Variants in KRT33B observed in about 807,000 individuals in gnomAD.
KRT33B encodes keratin 33B.
A neutral mutation model predicts 42.7 loss-of-function variants in KRT33B; 37 were observed. The ratio of observed to expected loss-of-function variants is 0.87; its 90% CI spans 0.67 to 1.14. The LOEUF is 1.14. Ranked by LOEUF, KRT33B falls within the 50% of genes most tolerant of loss-of-function variation. KRT33B has a pLI of 0.00. For synonymous variants in KRT33B, 237 were observed against 221.2 expected (o/e 1.07, Z -0.63); for missense variants, 523 against 515.1 (o/e 1.02, Z -0.15).
At chr17:41,368,034 C>T (rs1169603690) in intron 1 of KRT33B, 44 bp from the exon 2 acceptor site, 12 of 1,567,988 alleles carry the variant, frequency 7.7e-6, no homozygotes, top group African/African-American at 2.8e-5. Flanking sequence ...CTAAGAAATG[C>T]CTTGTGCCTT....
intron 6 of KRT33B, 46 bp downstream of exon 6, chr17:41,364,733 G>C (rs759502048): frequency 6.2e-7 from 1 of 1,608,292 alleles, no homozygotes; most frequent in Admixed American, 1.7e-5. Flanking sequence ...TCCTACAGTA[G>C]AACAGTGCCT....
Position 41,365,395 on chromosome 17 carries a change from C to A in KRT33B, c.747G>T (p.Thr249=). 1.9e-6 allele frequency: 3 copies of A among 1,610,570 alleles called. No homozygotes were observed. The highest frequency in any genetic ancestry group is 2.5e-6 in the Non-Finnish European group (3 of 1,178,622). ...NRREVEQWFA[T]QTEELNKQVV... ...GGCCACGTGCTTAGATGCCCACCTG[C>A]GTGGCGAACCATTGCTCCACTTCCC... Residue 249 remains threonine, a synonymous_variant, in exon 4 of 7, where the codon ACG becomes ACT. Transcript: ENST00000251646.
intron 1 of KRT33B, among the ~76,000 whole-genome samples, chr17:41,368,811 A>AGAATCAAGGGCTTGTACAATTGGATAT: frequency 6.6e-6 from 1 of 151,292 alleles, no homozygotes; most frequent in Non-Finnish European, 1.5e-5. Flanking sequence ...GATCCCTCCC[A>AGAATCAAGGGCTTGTACAATTGGATAT]AACCTACACC....
intron 1 of KRT33B, 30 bp downstream of exon 1, chr17:41,369,373 A>G (rs759318467): frequency 6.2e-7 from 1 of 1,609,882 alleles, no homozygotes; most frequent in Non-Finnish European, 8.5e-7. Context: ...GTAGTTCATT[A>G]AGCTGGCAGT....
At chr17:41,366,651 A>G in intron 2 of KRT33B, 25 bp from the exon 3 acceptor site, 1 of 1,549,294 alleles carries the variant, frequency 6.5e-7, no homozygotes, top group Non-Finnish European at 8.7e-7. Context: ...AGAGGTCAAA[A>G]GAGGTCCAAA....
intron 1 of KRT33B, 99 bp downstream of exon 1, chr17:41,369,304 C>T: frequency 6.9e-7 from 1 of 1,458,614 alleles, no homozygotes; most frequent in Non-Finnish European, 9.3e-7. Flanking sequence ...TTATCATTCT[C>T]AGCATTACTG....
chr17:41,364,424 C>T lies in KRT33B; in HGVS notation c.1097+355G>A, dbSNP rs930655957. On this transcript the variant is annotated intron_variant, in intron 6 of 6. Transcript: ENST00000251646. Reference sequence around the variant, plus strand: ...ATGATTCTAACAAGAATTAATGAAACGGTGGATTTGAAAGTTCTGTTTAAA... The same window carrying T: ...ATGATTCTAACAAGAATTAATGAAATGGTGGATTTGAAAGTTCTGTTTAAA... Among the ~76,000 whole-genome samples the T allele has an allele frequency of 2.6e-5, 4 of 151,236 alleles. 1 individual carries two copies. Among genetic ancestry groups the T allele is most frequent in the African/African-American group, 7.4e-5 (3 of 40,588 alleles).
chr17:41,365,278 A>AC lies in KRT33B; in HGVS notation c.772dup (p.Val258GlyfsTer74). 1 of 1,612,416 alleles carries AC rather than the reference A, an allele frequency of 6.2e-7. No individual in the cohort carries two copies. Among genetic ancestry groups the AC allele is most frequent in the Non-Finnish European group, 8.5e-7 (1 of 1,180,004 alleles). On this transcript the variant is annotated frameshift_variant, in exon 5 of 7. Transcript: ENST00000251646. LOFTEE classifies it high-confidence loss of function. ...CTGCAGCTGCTCCGAGCTGGATACC[A>AC]CCTGCTTGTTCAGCTCCTCGGTCTG...
intron 1 of KRT33B, among the ~76,000 whole-genome samples, chr17:41,368,676 G>A (rs1246061913): frequency 6.6e-6 from 1 of 151,154 alleles, no homozygotes; most frequent in Non-Finnish European, 1.5e-5. Flanking sequence ...CCCCTTTCTG[G>A]CATCTAATTT....
At chr17:41,364,378 T>C (rs944650241) in intron 6 of KRT33B, among the ~76,000 whole-genome samples, 1 of 151,462 alleles carries the variant, frequency 6.6e-6, no homozygotes, top group Non-Finnish European at 1.5e-5. Context: ...GTGATAATGA[T>C]TCCCACTCTG....
intron 2 of KRT33B, among the ~76,000 whole-genome samples, chr17:41,367,556 T>A (rs1227468987): frequency 1.3e-5 from 2 of 150,978 alleles, no homozygotes; most frequent in Admixed American, 6.6e-5. Context: ...ATATAAAAAT[T>A]AGCTGGGCCT....
intron 2 of KRT33B, 33 bp downstream of exon 2, chr17:41,367,875 A>G (rs1355902422): frequency 6.3e-7 from 1 of 1,593,898 alleles, no homozygotes; most frequent in Admixed American, 1.7e-5. Context: ...CCTGTCCGTT[A>G]CTAGACTGCT....
At chr17:41,365,957 A>T (rs2017696033) in intron 3 of KRT33B, among the ~76,000 whole-genome samples, 2 of 151,392 alleles carry the variant, frequency 1.3e-5, no homozygotes, top group South Asian at 4.1e-4. Flanking sequence ...AATGTTTGAG[A>T]CATGCATCTG....
In KRT33B at chr17:41,367,834, A is replaced by G. The variant is rs1249660025; in HGVS notation, c.431+74T>C. The G allele has an allele frequency of 4.5e-6, 6 of 1,335,072 alleles. No homozygotes were observed. In the East Asian group the frequency reaches 9.2e-5, roughly 20 times the overall value. 82.7% of individuals were successfully genotyped at this position (1,335,072 alleles called of 1,614,324 possible). A position where few individuals can be genotyped will look rare whatever the true frequency, so the allele number is the denominator to read the frequency against. ...ATAGAAATTTCTGCTTCCACATTCC[A>G]GGATAGGGAGCTCATCACTTTGTAA... On this transcript the variant is annotated intron_variant, in intron 2 of 6. Transcript: ENST00000251646.
At chr17:41,364,425 G>A (rs1406771659) in intron 6 of KRT33B, among the ~76,000 whole-genome samples, 2 of 151,272 alleles carry the variant, frequency 1.3e-5, no homozygotes, top group African/African-American at 2.5e-5. Flanking sequence ...TTAATGAAAC[G>A]GTGGATTTGA....
At position 41,365,551 on chromosome 17, in the gene KRT33B, T is replaced by G. The variant is rs774604733; in HGVS notation, c.591A>C (p.Glu197Asp). The G allele has an allele frequency of 3.7e-6, 6 of 1,609,478 alleles. No homozygotes were observed. The highest frequency in any genetic ancestry group is 4.2e-6 in the Non-Finnish European group (5 of 1,179,274). The change falls in exon 4 of 7, where the codon GAA (glutamate) becomes GAC (aspartate). Residue 197 changes from glutamate (E) to aspartate (D), a missense_variant and splice_region_variant. Physicochemically the swap from Glu to Asp is conservative, Grantham distance 45. Coordinates refer to ENST00000251646, the MANE Select transcript of KRT33B (RefSeq NM_002279.5). ...CAAGCTGGCAGCGCAAGGTGTTGAC[T>G]TCCTAATGGAGAAAAGGGAAGAAAT... ...LLSLKQNHEQ[E>D]VNTLRCQLGD... is the part of the protein sequence containing the mutation.
Position 41,363,520 on chromosome 17 carries a change from T to C in KRT33B, c.*316A>G. ...GTCTGCTTTGCAAGAGGAAAGTTTA[T>C]TAGGCGATTTGGGGAACTGCAATAA... On this transcript the variant is annotated 3_prime_UTR_variant, in exon 7 of 7. Coordinates refer to ENST00000251646, the MANE Select transcript of KRT33B (RefSeq NM_002279.5). 3.9e-6 allele frequency: 1 copy of C among 258,870 alleles called. No homozygotes were observed. The highest frequency in any genetic ancestry group is 7.2e-6 in the Non-Finnish European group (1 of 138,012). The allele number at this position is 258,870 out of a possible 1,614,324, so 16.0% of individuals were successfully genotyped here.
Position 41,364,898 on chromosome 17 carries a change from C to A in KRT33B, c.978G>T (p.Ala326=), listed in dbSNP as rs112724807. The A allele has an allele frequency of 1.2e-6, 2 of 1,613,326 alleles. No homozygotes were observed. Among genetic ancestry groups the A allele is most frequent in the Non-Finnish European group, 1.7e-6 (2 of 1,180,048 alleles). The part of the protein sequence containing the change: ...SLITNVESQL[A]EIRSDLERQN... ...GCCGCTCCAGGTCACTGCGGATCTC[C>A]GCCAGCTGGGACTCCACGTTGGTGA... The change falls in exon 6 of 7, where the codon GCG becomes GCT. Residue 326 remains alanine, a synonymous_variant. Coordinates refer to ENST00000251646, the MANE Select transcript of KRT33B (RefSeq NM_002279.5).
chr17:41,363,903 C>A lies in KRT33B; in HGVS notation c.1148G>T (p.Gly383Val), dbSNP rs149801180. 4.3e-6 allele frequency: 7 copies of A among 1,611,690 alleles called. No individual in the cohort carries two copies. The highest frequency in any genetic ancestry group is 4.2e-6 in the Non-Finnish European group (5 of 1,179,508). The change falls in exon 7 of 7, where the codon GGA (glycine) becomes GTA (valine). Residue 383 changes from glycine (G) to valine (V), a missense_variant. Gly to Val is a moderately radical substitution (Grantham distance 109). Coordinates refer to ENST00000251646, the MANE Select transcript of KRT33B (RefSeq NM_002279.5). ...ATTNACEKPI[G>V]SCVTNPCGPR... ...ACCACAAGGATTGGTGACACAGGAT[C>A]CAATGGGCTTTTCACATGCATTGGT...
Sources: gnomAD v4.1 joint callset for allele counts (sites outside exome capture counted in the v4.1 genomes callset) on GRCh38, gnomAD v4.1.1 for gene constraint, MANE v1.5 for transcripts, NCBI Gene and HGNC (gene_info 2026-07-23, HGNC 2026-07-21) for gene names.